The following EXTL3 variants were observed in gnomAD, a reference collection of about 807,000 sequenced individuals.
EXTL3 encodes exostosin-like 3.
Under a neutral mutation model 69.3 loss-of-function variants are expected in EXTL3, and 27 were observed. The ratio of observed to expected loss-of-function variants is 0.39; its 90% CI spans 0.29 to 0.54. The LOEUF is 0.54. Ranked by LOEUF, EXTL3 falls within the 20% of genes least tolerant of loss-of-function variation. The pLI, the probability that EXTL3 is intolerant of heterozygous loss-of-function variation, is 0.69. For missense variants in EXTL3, 1,003 were observed against 1,231.8 expected, an observed-to-expected ratio of 0.81 and a Z score of 2.78; for synonymous variants, 511 against 499.4, an observed-to-expected ratio of 1.02 and a Z score of -0.31.
chr8:28,706,617 A>G (rs1800928275), intron 1 of EXTL3, among the ~76,000 whole-genome samples: 1 of 152,202 alleles, frequency 6.6e-6, no homozygotes, highest in Non-Finnish European at 1.5e-5. Flanking sequence ...CAGATATTAT[A>G]ATTTTACAAT....
chr8:28,662,741 C>CTG (rs1208435549), intron 1 of EXTL3, among the ~76,000 whole-genome samples: 2 of 74,180 alleles, frequency 2.7e-5, no homozygotes, highest in African/African-American at 2.0e-4. Context: ...TGGTGAAATC[C>CTG]TGTCTCTAAA....
Position 28,668,589 on chromosome 8 carries a change from G to A in EXTL3, c.-52-44868G>A, listed in dbSNP as rs113001535. 9.6e-3 allele frequency among the ~76,000 whole-genome samples: 1,455 copies of A among 151,896 alleles called. 20 individuals carry two copies. The highest frequency in any genetic ancestry group is 0.033 in the African/African-American group (1,388 of 41,444). On this transcript the variant is annotated intron_variant, in intron 1 of 6. Coordinates refer to the EXTL3 transcript ENST00000523149. ...TGACCTCAGTTGATCTGCCTGCCTC[G>A]GCTTCCCAAAATGCTGAGATTACAG... is the stretch of plus-strand genomic sequence containing the variant.
At chr8:28,650,318 A>G (rs925777112) in intron 1 of EXTL3, among the ~76,000 whole-genome samples, 2 of 151,072 alleles carry the variant, frequency 1.3e-5, no homozygotes, top group South Asian at 4.2e-4. Context: ...TCTTTTTAAT[A>G]TGGATAATTG....
upstream of EXTL3, chr8:28,701,180 G>A (rs1800778243): frequency 6.6e-6 from 1 of 152,206 alleles, no homozygotes; most frequent in Non-Finnish European, 1.5e-5. Flanking sequence ...AAGCGGCGGT[G>A]GCTCGGGAGT....
intron 1 of EXTL3, among the ~76,000 whole-genome samples, chr8:28,632,160 A>G (rs1806579801): frequency 6.6e-6 from 1 of 151,780 alleles, no homozygotes; most frequent in African/African-American, 2.4e-5. Context: ...TAATCCCAGC[A>G]CTTTGGGAGG....
intron 1 of EXTL3, among the ~76,000 whole-genome samples, chr8:28,641,980 T>C (rs926130613): frequency 3.3e-5 from 5 of 151,890 alleles, no homozygotes; most frequent in African/African-American, 9.7e-5. Flanking sequence ...GGACTACAGG[T>C]GCCCAACACC....
At position 28,687,193 on chromosome 8, in the gene EXTL3, CG is replaced by C. The variant is rs369463011; in HGVS notation, c.-52-26262del. Among the ~76,000 whole-genome samples, 31 of 152,296 alleles carry C rather than the reference CG, an allele frequency of 2.0e-4. No homozygotes were observed. In the South Asian group the frequency reaches 6.4e-3, roughly 32 times the overall value. Reference sequence around the variant, plus strand: ...GAAAATGATTAGTAGGGGCTGGTTGCGGTGGCTCACGCCTGTAATCCCAGCA... The same window carrying C: ...GAAAATGATTAGTAGGGGCTGGTTGCGTGGCTCACGCCTGTAATCCCAGCA... On this transcript the variant is annotated intron_variant, in intron 1 of 6. Coordinates refer to the EXTL3 transcript ENST00000523149.
chr8:28,704,363 A>T (rs889886996), intron 1 of EXTL3, among the ~76,000 whole-genome samples: 1 of 152,238 alleles, frequency 6.6e-6, no homozygotes, highest in Non-Finnish European at 1.5e-5. Context: ...TACAAACGGA[A>T]TCCATAACTG....
intron 4 of EXTL3, among the ~76,000 whole-genome samples, chr8:28,732,892 A>G (rs774545630): frequency 9.9e-5 from 15 of 151,884 alleles, no homozygotes; most frequent in Non-Finnish European, 2.1e-4. Flanking sequence ...ATGCCAAGCT[A>G]ATTTTATTTT....
chr8:28,693,621 G>T (rs1800648447), intron 1 of EXTL3, among the ~76,000 whole-genome samples: 1 of 152,134 alleles, frequency 6.6e-6, no homozygotes, highest in Non-Finnish European at 1.5e-5. Context: ...TATTAACTCA[G>T]TGTTGCCACA....
chr8:28,644,940 C>T (rs1806805267), intron 1 of EXTL3, among the ~76,000 whole-genome samples: 1 of 152,156 alleles, frequency 6.6e-6, no homozygotes, highest in Non-Finnish European at 1.5e-5. Flanking sequence ...CTGTATACGC[C>T]TCTGGTGATG....
chr8:28,755,841 T>C (rs998079112), downstream of EXTL3, among the ~76,000 whole-genome samples: 2 of 152,168 alleles, frequency 1.3e-5, no homozygotes, highest in African/African-American at 4.8e-5. Flanking sequence ...AAACGACTGG[T>C]CCCACATTTC....
At chr8:28,649,947 AGC>A (rs1806891195) in intron 1 of EXTL3, among the ~76,000 whole-genome samples, 1 of 152,146 alleles carries the variant, frequency 6.6e-6, no homozygotes, top group African/African-American at 2.4e-5. Flanking sequence ...CTGTAATTCC[AGC>A]ACTTTGGGAG....
chr8:28,743,710 C>T (rs1317349487), intron 6 of EXTL3, among the ~76,000 whole-genome samples: 1 of 152,152 alleles, frequency 6.6e-6, no homozygotes, highest in Non-Finnish European at 1.5e-5. Context: ...GCATGTATGT[C>T]ACTGTGTTTT....
Position 28,750,592 on chromosome 8 carries a change from T to C in EXTL3, c.2551-65T>C. ...ATGGACATGGGAGTGTGGGATCGGC[T>C]CAGCTGCAAGGGTTCTGTCAGTATT... is the stretch of plus-strand genomic sequence containing the variant. On this transcript the variant is annotated intron_variant, in intron 6 of 6. Coordinates refer to ENST00000220562, the MANE Select transcript of EXTL3 (RefSeq NM_001440.4). The surrounding 1 kb of genome is among the most constrained non-coding windows in gnomAD (Gnocchi z 5.2). 7.5e-7 allele frequency: 1 copy of C among 1,341,604 alleles called. No homozygotes were observed. Among genetic ancestry groups the C allele is most frequent in the Non-Finnish European group, 1.1e-6 (1 of 935,136 alleles). 83.1% of individuals were successfully genotyped at this position (1,341,604 alleles called of 1,614,324 possible).
At chr8:28,661,104 G>A (rs1158349420) in intron 1 of EXTL3, among the ~76,000 whole-genome samples, 7 of 151,480 alleles carry the variant, frequency 4.6e-5, no homozygotes, top group Admixed American at 1.3e-4. Flanking sequence ...TAGTAGAGAC[G>A]GGGTTTCATC....
At chr8:28,661,998 A>G (rs1563439738) in intron 1 of EXTL3, among the ~76,000 whole-genome samples, 1 of 151,084 alleles carries the variant, frequency 6.6e-6, no homozygotes, top group African/African-American at 2.4e-5. Context: ...ACAATATAAA[A>G]TATATACTTA....
upstream of EXTL3, chr8:28,698,499 G>C (rs1465588073): frequency 6.6e-6 from 1 of 152,208 alleles, no homozygotes; most frequent in Non-Finnish European, 1.5e-5. Context: ...GTGAGACAGT[G>C]AATAAAAGGG....
chr8:28,619,266 T>TAAAAAAAAAA (rs755355444), upstream of EXTL3, among the ~76,000 whole-genome samples: 30 of 64,646 alleles, frequency 4.6e-4, 4 homozygotes, highest in Middle Eastern at 7.6e-3. Context: ...AGCTTAGTGA[T>TAAAAAAAAAA]AAAAAAAAAA....
Sources: gnomAD v4.1 joint callset for allele counts (sites outside exome capture counted in the v4.1 genomes callset) on GRCh38, gnomAD v4.1.1 for gene constraint, Gnocchi (gnomAD v3.1) non-coding constraint, MANE v1.5 for transcripts, NCBI Gene and HGNC (gene_info 2026-07-23, HGNC 2026-07-21) for gene names.